MAGI3: variants seen among roughly 807,000 people sequenced by gnomAD.
The protein encoded by MAGI3 is membrane-associated guanylate kinase, WW and PDZ domain-containing protein 3.
MAGI3 carries 43 observed loss-of-function variants against 121.8 expected under a neutral mutation model. That is an observed-to-expected ratio of 0.35 (90% confidence interval 0.28 to 0.46). The LOEUF (loss-of-function observed/expected upper bound fraction) is 0.46. Ranked by LOEUF, MAGI3 falls within the 20% of genes least tolerant of loss-of-function variation. The pLI is 1.00. For synonymous variants in MAGI3, 553 were observed against 639.3 expected, an observed-to-expected ratio of 0.86 and a Z score of 2.04; for missense variants, 1,547 against 1,797.3, an observed-to-expected ratio of 0.86 and a Z score of 2.52.
intron 6 of MAGI3, among the ~76,000 whole-genome samples, chr1:113,604,217 C>A (rs1380209841): frequency 6.6e-6 from 1 of 152,112 alleles, no homozygotes; most frequent in African/African-American, 2.4e-5. Context: ...TAATTGCAAA[C>A]ATGTGGAACC....
chr1:113,507,470 T>C (rs1489823487), intron 1 of MAGI3, among the ~76,000 whole-genome samples: 3 of 152,334 alleles, frequency 2.0e-5, no homozygotes, highest in East Asian at 3.9e-4. Context: ...AATTTTGGCG[T>C]CTGTAAATCT....
At chr1:113,419,110 CATG>C (rs1183046435) in intron 1 of MAGI3, among the ~76,000 whole-genome samples, 1 of 152,032 alleles carries the variant, frequency 6.6e-6, no homozygotes, top group Non-Finnish European at 1.5e-5. Flanking sequence ...AAATAGTTTA[CATG>C]ATAAGTAAAA....
intron 9 of MAGI3, among the ~76,000 whole-genome samples, chr1:113,631,564 A>G (rs1651634747): frequency 6.6e-6 from 1 of 152,186 alleles, no homozygotes; most frequent in African/African-American, 2.4e-5. Context: ...GTATAAAACT[A>G]AAGATTTATT....
chr1:113,465,327 A>G (rs547162133), intron 1 of MAGI3, among the ~76,000 whole-genome samples: 14 of 152,090 alleles, frequency 9.2e-5, no homozygotes, highest in African/African-American at 3.1e-4. Flanking sequence ...GCTTGTATTT[A>G]TATCTGTGTT....
intron 7 of MAGI3, among the ~76,000 whole-genome samples, chr1:113,619,273 G>A (rs1570949848): frequency 1.3e-5 from 2 of 152,304 alleles, no homozygotes; most frequent in South Asian, 4.1e-4. Flanking sequence ...ATATAGGTGA[G>A]TCAGTGGAAA....
intron 1 of MAGI3, among the ~76,000 whole-genome samples, chr1:113,405,703 C>G (rs1173024367): frequency 6.6e-6 from 1 of 152,084 alleles, no homozygotes; most frequent in East Asian, 1.9e-4. Context: ...TCTGGACTGT[C>G]TGTGTCTGTG....
intron 2 of MAGI3, among the ~76,000 whole-genome samples, chr1:113,579,755 G>C (rs1261180146): frequency 6.6e-6 from 1 of 152,142 alleles, no homozygotes; most frequent in Non-Finnish European, 1.5e-5. Flanking sequence ...GACTGGATGT[G>C]GAGTAGAGGG....
chr1:113,475,165 T>C (rs1000077955), intron 1 of MAGI3, among the ~76,000 whole-genome samples: 10 of 152,246 alleles, frequency 6.6e-5, no homozygotes, highest in Non-Finnish European at 1.3e-4. Context: ...TCTAAATATA[T>C]AATCATGTCA....
chr1:113,579,229 A>C (rs1340500348), intron 2 of MAGI3, among the ~76,000 whole-genome samples: 1 of 152,150 alleles, frequency 6.6e-6, no homozygotes, highest in Non-Finnish European at 1.5e-5. Context: ...CATACCCTAG[A>C]TAGAAATCAG....
intron 1 of MAGI3, among the ~76,000 whole-genome samples, chr1:113,529,845 AAATT>A (rs1377068019): frequency 4.6e-5 from 7 of 152,174 alleles, no homozygotes; most frequent in African/African-American, 1.7e-4. Context: ...CAATAAAAAT[AAATT>A]AAAAATAAAA....
chr1:113,649,463 T>C, intron 13 of MAGI3, 135 bp downstream of exon 13: 1 of 580,602 alleles, frequency 1.7e-6, no homozygotes, highest in Non-Finnish European at 3.0e-6. Flanking sequence ...GCATTTCCAT[T>C]ATTATCATAG....
In MAGI3 at chr1:113,671,747, A is replaced by C; in HGVS notation, c.2829A>C (p.Pro943=). 1 of 1,614,234 alleles carries C rather than the reference A, an allele frequency of 6.2e-7. No homozygotes were observed. The highest frequency in any genetic ancestry group is 8.5e-7 in the Non-Finnish European group (1 of 1,180,022). ...TVIAEEEHHG[P]PSGTNSARQS... ...TCATTTGAACAGAGCATCATGGTCC[A>C]CCATCAGGAACAAACTCAGCCAGGC... Residue 943 remains proline (P), a synonymous_variant, in exon 17 of 21, where the codon CCA becomes CCC. Transcript: ENST00000307546.
At chr1:113,454,721 C>A (rs1336930592) in intron 1 of MAGI3, among the ~76,000 whole-genome samples, 5 of 152,026 alleles carry the variant, frequency 3.3e-5, no homozygotes, top group Non-Finnish European at 5.9e-5. Context: ...GTTCAACTCC[C>A]ACTTATGAGT....
intron 9 of MAGI3, among the ~76,000 whole-genome samples, chr1:113,629,665 G>T (rs373166892): frequency 6.6e-6 from 1 of 151,112 alleles, no homozygotes; most frequent in East Asian, 2.0e-4. Flanking sequence ...GAATTATCTG[G>T]ATTAATAGGC....
At chr1:113,490,900 A>G (rs913897120) in intron 1 of MAGI3, among the ~76,000 whole-genome samples, 2 of 152,182 alleles carry the variant, frequency 1.3e-5, no homozygotes, top group African/African-American at 4.8e-5. Context: ...GTTCTTAGAG[A>G]CCTTCAAAGA....
intron 1 of MAGI3, among the ~76,000 whole-genome samples, chr1:113,533,998 A>T (rs548348568): frequency 5.7e-4 from 87 of 152,130 alleles, no homozygotes; most frequent in African/African-American, 2.0e-3. Context: ...CTGCAGGGAC[A>T]CCTATAATTT....
chr1:113,403,000 T>C (rs560037723), intron 1 of MAGI3, among the ~76,000 whole-genome samples: 1 of 152,314 alleles, frequency 6.6e-6, no homozygotes, highest in South Asian at 2.1e-4. Flanking sequence ...AAAAAATCTT[T>C]CTGCAATCCA....
intron 15 of MAGI3, among the ~76,000 whole-genome samples, chr1:113,657,714 G>A (rs933594948): frequency 1.3e-5 from 2 of 152,198 alleles, no homozygotes; most frequent in Non-Finnish European, 2.9e-5. Flanking sequence ...TAGAATTAGT[G>A]AATCAACTCA....
intron 9 of MAGI3, among the ~76,000 whole-genome samples, chr1:113,640,425 G>T (rs574136010): frequency 8.2e-4 from 125 of 152,232 alleles, no homozygotes; most frequent in Non-Finnish European, 1.3e-3. Flanking sequence ...AAAGACACAT[G>T]CACACGTATG....
Sources: gnomAD v4.1 joint callset for allele counts (sites outside exome capture counted in the v4.1 genomes callset) on GRCh38, gnomAD v4.1.1 for gene constraint, MANE v1.5 for transcripts, NCBI Gene and HGNC (gene_info 2026-07-23, HGNC 2026-07-21) for gene names.